The following TOP3A variants were observed in gnomAD, a reference collection of about 807,000 sequenced individuals.
TOP3A encodes the protein DNA topoisomerase III alpha.
Under a neutral mutation model 111.3 loss-of-function variants are expected in TOP3A, and 64 were observed. The ratio of observed to expected loss-of-function variants is 0.57; its 90% CI spans 0.47 to 0.71. The LOEUF is 0.71. TOP3A is among the 30% of genes least tolerant of loss of function. The probability of loss-of-function intolerance (pLI) is 0.00; values close to 1 mark genes in which losing one functional copy is unlikely to be tolerated. For synonymous variants in TOP3A, 484 were observed against 485.1 expected (o/e 1.00, Z 0.03); for missense variants, 1,104 against 1,285.0 (o/e 0.86, Z 2.15).
At chr17:18,288,253 A>C (rs1257192993) in intron 13 of TOP3A, among the ~76,000 whole-genome samples, 1 of 149,424 alleles carries the variant, frequency 6.7e-6, no homozygotes, top group Non-Finnish European at 1.5e-5. Context: ...CCCGGGTTCA[A>C]GCAATTCTCC....
chr17:18,310,538 A>G (rs1182282778), intron 1 of TOP3A, among the ~76,000 whole-genome samples: 1 of 152,188 alleles, frequency 6.6e-6, no homozygotes, highest in Non-Finnish European at 1.5e-5. Flanking sequence ...CATGTAAGAT[A>G]TGGGTCCACT....
chr17:18,293,855 A>C (rs1980630195), intron 10 of TOP3A, among the ~76,000 whole-genome samples: 1 of 152,198 alleles, frequency 6.6e-6, no homozygotes, highest in Non-Finnish European at 1.5e-5. Flanking sequence ...TCGGCCTCCC[A>C]AAGTGCTAGG....
Position 18,274,763 on chromosome 17 carries a change from C to G in TOP3A, c.*39G>C, listed in dbSNP as rs1471963266. ...AACTCATTTCTAAACACAAAGGGGA[C>G]AGGTCTGAGAAAGTGGCGTTCTCTA... On this transcript the variant is annotated 3_prime_UTR_variant, in exon 19 of 19. Transcript: ENST00000321105. 1 of 1,586,098 alleles carries G rather than the reference C, an allele frequency of 6.3e-7. No individual in the cohort carries two copies. Among genetic ancestry groups the G allele is most frequent in the Non-Finnish European group, 8.6e-7 (1 of 1,163,934 alleles).
intron 11 of TOP3A, among the ~76,000 whole-genome samples, chr17:18,291,639 T>C (rs1200620152): frequency 2.6e-5 from 4 of 152,230 alleles, no homozygotes; most frequent in Non-Finnish European, 4.4e-5. Flanking sequence ...ATCTTTGTAA[T>C]TGTTAAATAT....
intron 4 of TOP3A, chr17:18,306,612 T>C (rs1401279005): frequency 3.3e-6 from 1 of 299,826 alleles, no homozygotes; most frequent in Non-Finnish European, 6.3e-6. Context: ...CATGTGATCC[T>C]GCCTTGGCCC....
intron 9 of TOP3A, among the ~76,000 whole-genome samples, chr17:18,297,330 C>A (rs1416974975): frequency 6.6e-6 from 1 of 152,206 alleles, no homozygotes; most frequent in Non-Finnish European, 1.5e-5. Flanking sequence ...GAGGCTGAGG[C>A]AGGAGAATCA....
chr17:18,295,463 A>T (rs993911546), intron 9 of TOP3A, among the ~76,000 whole-genome samples: 3 of 144,584 alleles, frequency 2.1e-5, no homozygotes, highest in Non-Finnish European at 4.5e-5. Context: ...TCTGCATTTT[A>T]AAAATTTTTT....
intron 5 of TOP3A, among the ~76,000 whole-genome samples, chr17:18,303,754 AAGAT>A (rs970759152): frequency 1.3e-5 from 2 of 152,110 alleles, no homozygotes; most frequent in African/African-American, 4.8e-5. Context: ...TGAGATAGTA[AAGAT>A]AGTGATTGAT....
chr17:18,278,378 G>GA, intron 17 of TOP3A, 21 bp from the exon 18 acceptor site: 2 of 1,503,534 alleles, frequency 1.3e-6, no homozygotes, highest in Non-Finnish European at 1.8e-6. Flanking sequence ...CAGAAGATGA[G>GA]AAAAAACATT....
rs748851618 is a variant in TOP3A, at chr17:18,285,223, T to C, written c.1796A>G (p.Lys599Arg). 4 of 1,614,112 alleles carry C rather than the reference T, an allele frequency of 2.5e-6. No homozygotes were observed. The highest frequency in any genetic ancestry group is 3.4e-6 in the Non-Finnish European group (4 of 1,180,042). Residue 599 changes from lysine to arginine, a missense_variant, in exon 15 of 19, where the codon AAA becomes AGA. Physicochemically the swap from Lys to Arg is conservative, Grantham distance 26 (BLOSUM62 2). Transcript: ENST00000321105. The stretch of plus-strand genomic sequence containing the variant: ...CCTTAGAACCACAAATTTGTCCTTT[T>C]TGCCATCACAGATCAGCTTCAGATC... ...EADLKLICDGKKDKFVVLRQQ... is the reference protein window; with the variant it reads ...EADLKLICDGRKDKFVVLRQQ...
rs1437146768 is a variant in TOP3A, at chr17:18,290,884, T to G, written c.1425A>C (p.Arg475=). The G allele has an allele frequency of 5.6e-6, 9 of 1,614,236 alleles. No individual in the cohort carries two copies. The highest frequency in any genetic ancestry group is 7.6e-6 in the Non-Finnish European group (9 of 1,180,050). The change falls in exon 12 of 19, where the codon CGA becomes CGC. Residue 475 remains arginine, a synonymous_variant. Transcript: ENST00000321105. ...CATATGGATACACATCCAGATAGTT[T>G]CGGGCCAGAATCATGAGGCCATGGG... ...FVAHGLMILA[R]NYLDVYPYDH...
chr17:18,314,736 G>C lies in TOP3A; in HGVS notation c.43C>G (p.Arg15Gly), dbSNP rs373981678. ...VARYALRWLR[R>G]PEDRAFSRAA... The stretch of plus-strand genomic sequence containing the variant: ...CGGGAAAAGGCACGGTCTTCGGGCC[G>C]TCGCAGCCACCGGAGCGCGTAGCGG... Residue 15 changes from arginine to glycine, a missense_variant, in exon 1 of 19, where the codon CGG (arginine) becomes GGG (glycine). Arg to Gly is a moderately radical substitution (Grantham distance 125). Coordinates refer to ENST00000321105, the MANE Select transcript of TOP3A (RefSeq NM_004618.5). 12 of 1,580,056 alleles carry C rather than the reference G, an allele frequency of 7.6e-6. No individual in the cohort carries two copies. Among genetic ancestry groups the C allele is most frequent in the Non-Finnish European group, 1.0e-5 (12 of 1,163,572 alleles).
intron 15 of TOP3A, among the ~76,000 whole-genome samples, chr17:18,283,238 G>T (rs1337956863): frequency 6.6e-6 from 1 of 152,068 alleles, no homozygotes; most frequent in African/African-American, 2.4e-5. Flanking sequence ...GCATGGTGGC[G>T]CATGCCTGTA....
Position 18,274,532 on chromosome 17 carries a change from TGG to T in TOP3A, c.*268_*269del. 1 of 330,758 alleles carries T rather than the reference TGG, an allele frequency of 3.0e-6. No homozygotes were observed. Among genetic ancestry groups the T allele is most frequent in the Non-Finnish European group, 5.5e-6 (1 of 183,192 alleles). 20.5% of individuals were successfully genotyped at this position (330,758 alleles called of 1,614,324 possible). A position where few individuals can be genotyped will look rare whatever the true frequency, so the allele number is the denominator to read the frequency against. ...ATCCTCTGCTAACAGCAACCATCCT[TGG>T]GGGGTCCGAGGGAGCAGCTGCGTGA... On this transcript the variant is annotated 3_prime_UTR_variant, in exon 19 of 19. Coordinates refer to ENST00000321105, the MANE Select transcript of TOP3A (RefSeq NM_004618.5).
Position 18,290,673 on chromosome 17 carries a change from T to A in TOP3A, c.1481A>T (p.Tyr494Phe). 1.2e-6 allele frequency: 2 copies of A among 1,603,862 alleles called. No individual in the cohort carries two copies. Among genetic ancestry groups the A allele is most frequent in the Non-Finnish European group, 1.7e-6 (2 of 1,173,868 alleles). Reference sequence around the variant, plus strand: ...GGGCTGAAAGTGGGATCCTTGCTCATAGACAGGGAGGATCTACAGGGAGCG... The same window carrying A: ...GGGCTGAAAGTGGGATCCTTGCTCAAAGACAGGGAGGATCTACAGGGAGCG... Reference protein sequence around the residue: ...DHWSDKILPVYEQGSHFQPST... With the variant: ...DHWSDKILPVFEQGSHFQPST... The change falls in exon 13 of 19, where the codon TAT (tyrosine) becomes TTT (phenylalanine). Residue 494 changes from tyrosine (Y) to phenylalanine (F), a missense_variant. Physicochemically the swap from Tyr to Phe is conservative, Grantham distance 22 (BLOSUM62 3). Coordinates refer to ENST00000321105, the MANE Select transcript of TOP3A (RefSeq NM_004618.5).
At chr17:18,296,279 C>T (rs1011565944) in intron 9 of TOP3A, among the ~76,000 whole-genome samples, 3 of 151,974 alleles carry the variant, frequency 2.0e-5, no homozygotes, top group Admixed American at 6.6e-5. Flanking sequence ...AACACATATG[C>T]CTACTATATA....
chr17:18,300,328 AG>A (rs1981149152), intron 8 of TOP3A, among the ~76,000 whole-genome samples: 1 of 151,224 alleles, frequency 6.6e-6, no homozygotes, highest in African/African-American at 2.4e-5. Context: ...CGGGAGGTAG[AG>A]GTTGCAGTGA....
At chr17:18,300,728 C>A (rs1319841235) in intron 8 of TOP3A, among the ~76,000 whole-genome samples, 1 of 151,820 alleles carries the variant, frequency 6.6e-6, no homozygotes. Context: ...GCTAATTTTT[C>A]TTTTTTAGAA....
Position 18,274,780 on chromosome 17 carries a change from C to T in TOP3A, c.*22G>A, listed in dbSNP as rs545378304. 3.8e-6 allele frequency: 6 copies of T among 1,598,654 alleles called. No homozygotes were observed. The highest frequency in any genetic ancestry group is 2.2e-5 in the South Asian group (2 of 90,294). On this transcript the variant is annotated 3_prime_UTR_variant, in exon 19 of 19. Transcript: ENST00000321105. ...AAAGGGGACAGGTCTGAGAAAGTGG[C>T]GTTCTCTACCCTACCCTGAGCTCAT... is the stretch of plus-strand genomic sequence containing the variant.
Sources: gnomAD v4.1 joint callset for allele counts (sites outside exome capture counted in the v4.1 genomes callset) on GRCh38, gnomAD v4.1.1 for gene constraint, MANE v1.5 for transcripts, NCBI Gene and HGNC (gene_info 2026-07-23, HGNC 2026-07-21) for gene names.